The following IGSF10 variants were observed in gnomAD, a reference collection of about 807,000 sequenced individuals.
IGSF10 encodes immunoglobulin superfamily member 10.
A neutral mutation model predicts 128.2 loss-of-function variants in IGSF10; 126 were observed. That is an observed-to-expected ratio of 0.98 (90% CI 0.85 to 1.14). The LOEUF (loss-of-function observed/expected upper bound fraction) is 1.14, where lower values mean the gene tolerates loss of function less well. Ranked by LOEUF, IGSF10 falls within the 50% of genes most tolerant of loss-of-function variation. IGSF10 has a pLI of 0.00. For missense variants in IGSF10, 3,295 were observed against 3,149.8 expected, an observed-to-expected ratio of 1.05 and a Z score of -1.10; for synonymous variants, 1,185 against 1,146.2, an observed-to-expected ratio of 1.03 and a Z score of -0.68.
chr3:151,439,214 A>G (rs1280930615), intron 7 of IGSF10, among the ~76,000 whole-genome samples: 1 of 152,206 alleles, frequency 6.6e-6, no homozygotes, highest in Non-Finnish European at 1.5e-5. Context: ...AAACATGGTG[A>G]TTTTGTAATA....
chr3:151,530,569 T>C, the IGSF10 span, among the ~76,000 whole-genome samples: 2,060 of 152,278 alleles, frequency 0.014, 22 homozygotes, highest in Non-Finnish European at 0.022. Flanking sequence ...TTCAACGTTC[T>C]TAAAGAAGAG....
chr3:151,533,565 A>G, the IGSF10 span, among the ~76,000 whole-genome samples: 1 of 152,216 alleles, frequency 6.6e-6, no homozygotes, highest in Admixed American at 6.5e-5. Context: ...AGGATTCCCT[A>G]TTTCATAAAT....
At chr3:151,470,600 C>T in the IGSF10 span, among the ~76,000 whole-genome samples, 1 of 152,158 alleles carries the variant, frequency 6.6e-6, no homozygotes, top group Non-Finnish European at 1.5e-5. Flanking sequence ...TTCCAAATTA[C>T]ACTAAACCTT....
the IGSF10 span, among the ~76,000 whole-genome samples, chr3:151,469,610 T>C: frequency 1.3e-5 from 2 of 152,174 alleles, no homozygotes; most frequent in Non-Finnish European, 2.9e-5. Context: ...CCCTGATCTC[T>C]CAAAAATACT....
the IGSF10 span, among the ~76,000 whole-genome samples, chr3:151,481,997 C>T: frequency 6.6e-6 from 1 of 152,170 alleles, no homozygotes; most frequent in African/African-American, 2.4e-5. Context: ...GAACCAGAGT[C>T]ACCACACCCT....
chr3:151,485,427 T>C, the IGSF10 span, among the ~76,000 whole-genome samples: 2 of 152,102 alleles, frequency 1.3e-5, no homozygotes, highest in Non-Finnish European at 2.9e-5. Context: ...ATGGCCAACA[T>C]TCAAATTCAG....
chr3:151,437,656 T>C lies in IGSF10; in HGVS notation c.6905A>G (p.Asn2302Ser). 1.2e-6 allele frequency: 2 copies of C among 1,614,220 alleles called. No individual in the cohort carries two copies. Among genetic ancestry groups the C allele is most frequent in the Non-Finnish European group, 1.7e-6 (2 of 1,180,034 alleles). Reference sequence around the variant, plus strand: ...GTCGGCTGAATCTGAAAGCCTCACATTCCTAATTTCCAAGGTTCCATTTTT... The same window carrying C: ...GTCGGCTGAATCTGAAAGCCTCACACTCCTAATTTCCAAGGTTCCATTTTT... ...VHKNGTLEIR[N>S]VRLSDSADFI... The change falls in exon 8 of 8, where the codon AAT becomes AGT. Residue 2302 changes from asparagine (N) to serine (S), a missense_variant. Physicochemically the swap from Asn to Ser is conservative, Grantham distance 46. Coordinates refer to ENST00000282466, the MANE Select transcript of IGSF10 (RefSeq NM_178822.5).
At position 151,437,814 on chromosome 3, in the gene IGSF10, GGC is replaced by G; in HGVS notation, c.6745_6746del (p.Ala2249HisfsTer11). The G allele has an allele frequency of 6.2e-7, 1 of 1,613,854 alleles. No individual in the cohort carries two copies. The highest frequency in any genetic ancestry group is 1.1e-5 in the South Asian group (1 of 91,080). ...GTTTTTTGGAATGTCTCACAGCTGT[GGC>G]TTTAATAACAGTTCTGTTTGTATAC... ...GLYTNRTVIK[A>X]TAVRHSKKHF... On this transcript the variant is annotated frameshift_variant, in exon 8 of 8. Transcript: ENST00000282466. LOFTEE classifies it low-confidence loss of function (END_TRUNC).
the IGSF10 span, among the ~76,000 whole-genome samples, chr3:151,505,891 C>G: frequency 2.6e-5 from 4 of 152,064 alleles, no homozygotes; most frequent in Non-Finnish European, 5.9e-5. Flanking sequence ...TTAAGCTAAC[C>G]TAGATAAGGT....
downstream of IGSF10, chr3:151,432,963 A>G (rs1046884112): frequency 6.9e-6 from 4 of 576,598 alleles, no homozygotes; most frequent in Non-Finnish European, 1.2e-5. Context: ...AAGGTGTTTA[A>G]ACAAAAAGCC....
chr3:151,518,932 C>G, the IGSF10 span, among the ~76,000 whole-genome samples: 1 of 152,028 alleles, frequency 6.6e-6, no homozygotes, highest in South Asian at 2.1e-4. Flanking sequence ...TTTCCTTCCT[C>G]TTACCAAAAT....
At chr3:151,561,875 C>CTT in the IGSF10 span, among the ~76,000 whole-genome samples, 3 of 152,084 alleles carry the variant, frequency 2.0e-5, no homozygotes, top group Non-Finnish European at 4.4e-5. Flanking sequence ...TGCAATATTT[C>CTT]TTATTTAAAT....
chr3:151,558,406 A>G, the IGSF10 span, among the ~76,000 whole-genome samples: 1 of 152,078 alleles, frequency 6.6e-6, no homozygotes, highest in African/African-American at 2.4e-5. Flanking sequence ...GGAATGAAAG[A>G]CCACAAATGT....
At chr3:151,470,336 A>C in the IGSF10 span, among the ~76,000 whole-genome samples, 1 of 152,238 alleles carries the variant, frequency 6.6e-6, no homozygotes, top group Admixed American at 6.5e-5. Context: ...TGGCTGCTGA[A>C]GGAATTTCCC....
At chr3:151,543,140 C>T in the IGSF10 span, among the ~76,000 whole-genome samples, 6 of 152,166 alleles carry the variant, frequency 3.9e-5, no homozygotes, top group South Asian at 2.1e-4. Context: ...GAATTCTCTC[C>T]GTAGTCAAGG....
chr3:151,590,376 A>C, the IGSF10 span, among the ~76,000 whole-genome samples: 4 of 152,234 alleles, frequency 2.6e-5, no homozygotes, highest in African/African-American at 4.8e-5. Context: ...AAACAAGAAA[A>C]GATTATAAAA....
At position 151,436,700 on chromosome 3, in the gene IGSF10, G is replaced by A. The variant is rs765742537; in HGVS notation, c.7861C>T (p.Gln2621Ter). 72 of 1,597,556 alleles carry A rather than the reference G, an allele frequency of 4.5e-5. 1 individual carries two copies. In the South Asian group the frequency reaches 7.2e-4, roughly 16 times the overall value. The change falls in exon 8 of 8, where the codon CAA (glutamine) becomes TAA (stop). Residue 2621 changes from glutamine (Q) to a stop codon, truncating the protein, a stop_gained. Transcript: ENST00000282466. LOFTEE classifies it high-confidence loss of function. ...TTTATTATTTCATGTCAGATTACTT[G>A]AATATACGTTGCTGCATAATCACTA... ...LGSDYAATYI[Q>*]VI is the part of the protein sequence containing the mutation.
At chr3:151,510,957 G>T in the IGSF10 span, among the ~76,000 whole-genome samples, 2,911 of 152,280 alleles carry the variant, frequency 0.019, 63 homozygotes, top group East Asian at 0.063. Context: ...AGAAATATGG[G>T]ACTATGTGAA....
chr3:151,524,676 G>A, the IGSF10 span, among the ~76,000 whole-genome samples: 2 of 152,232 alleles, frequency 1.3e-5, no homozygotes, highest in Non-Finnish European at 2.9e-5. Context: ...TAACTATTGG[G>A]TACTGGGCTT....
Sources: gnomAD v4.1 joint callset for allele counts (sites outside exome capture counted in the v4.1 genomes callset) on GRCh38, gnomAD v4.1.1 for gene constraint, MANE v1.5 for transcripts, NCBI Gene and HGNC (gene_info 2026-07-23, HGNC 2026-07-21) for gene names.